The following PHLDB2 variants were observed in gnomAD, a reference collection of about 807,000 sequenced individuals.
PHLDB2 encodes the protein pleckstrin homology like domain family B member 2.
PHLDB2 carries 71 observed loss-of-function variants against 123.6 expected under a neutral mutation model. The observed-to-expected ratio is 0.57, with a 90% CI of 0.47 to 0.70. The LOEUF (loss-of-function observed/expected upper bound fraction) is 0.70, where lower values mean the gene tolerates loss of function less well. Among genes scored for constraint, PHLDB2 ranks in the 30% least tolerant of loss-of-function variants. The pLI is 0.00. For missense variants in PHLDB2, 1,446 were observed against 1,519.5 expected, an observed-to-expected ratio of 0.95 and a Z score of 0.80; for synonymous variants, 547 against 541.6, an observed-to-expected ratio of 1.01 and a Z score of -0.14.
intron 2 of PHLDB2, chr3:111,911,533 C>G (rs985573670): frequency 5.1e-5 from 62 of 1,225,112 alleles, no homozygotes; most frequent in Non-Finnish European, 6.8e-5. Context: ...TGCTTCCTCC[C>G]TATAAAGCTG....
At chr3:111,939,426 G>C in intron 6 of PHLDB2, 49 bp from the exon 7 acceptor site, 1 of 1,549,298 alleles carries the variant, frequency 6.5e-7, no homozygotes, top group South Asian at 1.2e-5. Context: ...ACATTAAGAA[G>C]GTGGTAGTTA....
intron 1 of PHLDB2, among the ~76,000 whole-genome samples, chr3:111,864,551 T>G (rs2064978075): frequency 6.6e-6 from 1 of 152,228 alleles, no homozygotes; most frequent in South Asian, 2.1e-4. Flanking sequence ...GTATCTGCTT[T>G]AAAGGCAAGA....
intron 1 of PHLDB2, among the ~76,000 whole-genome samples, chr3:111,759,292 C>T (rs1240741364): frequency 2.6e-5 from 4 of 152,060 alleles, no homozygotes; most frequent in African/African-American, 4.8e-5. Flanking sequence ...CTTTCTGGTT[C>T]GTAGATGGTG....
rs1368049282 is a variant in PHLDB2, at chr3:111,885,418, C to A, written c.1335+6C>A. ...AGCAGGAAATGGAGCGATTGGTAATCTTCATCTCAACAGTGATTGACCTCA... is the reference window on the plus strand; with the variant it reads ...AGCAGGAAATGGAGCGATTGGTAATATTCATCTCAACAGTGATTGACCTCA... On this transcript the variant is annotated splice_donor_region_variant and intron_variant, in intron 2 of 17. Transcript: ENST00000431670. 15 of 1,614,040 alleles carry A rather than the reference C, an allele frequency of 9.3e-6. No homozygotes were observed. Among genetic ancestry groups the A allele is most frequent in the Non-Finnish European group, 1.3e-5 (15 of 1,180,038 alleles).
intron 1 of PHLDB2, among the ~76,000 whole-genome samples, chr3:111,868,330 T>TA (rs1044513536): frequency 1.3e-5 from 2 of 152,146 alleles, no homozygotes; most frequent in African/African-American, 4.8e-5. Flanking sequence ...TCATACATTG[T>TA]AAAAAATAGA....
intron 12 of PHLDB2, among the ~76,000 whole-genome samples, chr3:111,959,975 T>G (rs1234744534): frequency 6.6e-6 from 1 of 152,262 alleles, no homozygotes; most frequent in Non-Finnish European, 1.5e-5. Flanking sequence ...GGGATTTGTT[T>G]TTCATACTAC....
At chr3:111,744,074 C>G (rs1224320842) in intron 1 of PHLDB2, among the ~76,000 whole-genome samples, 1 of 152,086 alleles carries the variant, frequency 6.6e-6, no homozygotes, top group Non-Finnish European at 1.5e-5. Context: ...GTTACTGTTC[C>G]TAAAGAGTAC....
intron 2 of PHLDB2, among the ~76,000 whole-genome samples, chr3:111,910,238 G>C (rs768490700): frequency 6.6e-6 from 1 of 151,972 alleles, no homozygotes; most frequent in Non-Finnish European, 1.5e-5. Flanking sequence ...TGATATATGT[G>C]GGAGATCAAG....
At chr3:111,940,197 A>G (rs188485112) in intron 7 of PHLDB2, among the ~76,000 whole-genome samples, 104 of 151,468 alleles carry the variant, frequency 6.9e-4, no homozygotes, top group African/African-American at 2.4e-3. Flanking sequence ...TCTCAGTTTA[A>G]ATAAGAAATT....
intron 1 of PHLDB2, among the ~76,000 whole-genome samples, chr3:111,838,282 C>G (rs1204023427): frequency 6.6e-6 from 1 of 152,110 alleles, no homozygotes; most frequent in South Asian, 2.1e-4. Context: ...ACTATAGGCA[C>G]CTGCCACCAC....
chr3:111,844,410 G>A (rs79017293), intron 1 of PHLDB2, among the ~76,000 whole-genome samples: 5 of 152,012 alleles, frequency 3.3e-5, no homozygotes, highest in South Asian at 4.1e-4. Flanking sequence ...ATTTCTGTTC[G>A]TAGATAATGG....
intron 10 of PHLDB2, chr3:111,950,013 A>AT (rs905234647): frequency 6.4e-3 from 3,644 of 572,244 alleles, no homozygotes; most frequent in Non-Finnish European, 7.3e-3. Context: ...TACTTCTCTG[A>AT]TTTTTTTTTT....
At chr3:111,973,504 C>T (rs1281873136) in intron 16 of PHLDB2, among the ~76,000 whole-genome samples, 1 of 152,134 alleles carries the variant, frequency 6.6e-6, no homozygotes, top group Non-Finnish European at 1.5e-5. Flanking sequence ...GAGCCTTAGG[C>T]AAAGTCATCT....
At chr3:111,839,520 T>C (rs770337828) in intron 1 of PHLDB2, among the ~76,000 whole-genome samples, 4 of 152,246 alleles carry the variant, frequency 2.6e-5, no homozygotes, top group Non-Finnish European at 5.9e-5. Flanking sequence ...ATTAACATTA[T>C]CTTTAGCATT....
intron 1 of PHLDB2, among the ~76,000 whole-genome samples, chr3:111,765,026 C>T (rs1171982225): frequency 6.6e-6 from 1 of 152,170 alleles, no homozygotes; most frequent in African/African-American, 2.4e-5. Flanking sequence ...TCTCCAGTGC[C>T]CTAGGGGAAC....
At chr3:111,739,598 A>AAAAC (rs1273979026) in intron 1 of PHLDB2, among the ~76,000 whole-genome samples, 168 of 73,156 alleles carry the variant, frequency 2.3e-3, no homozygotes, top group African/African-American at 5.3e-3. Flanking sequence ...CAAAACAAAC[A>AAAAC]AAAAAAAAAA....
At chr3:111,807,105 A>T (rs1358383224) in intron 1 of PHLDB2, among the ~76,000 whole-genome samples, 2 of 151,626 alleles carry the variant, frequency 1.3e-5, no homozygotes, top group Admixed American at 1.3e-4. Flanking sequence ...TAGGAAAAAA[A>T]TAAACCTGGT....
At position 111,780,330 on chromosome 3, in the gene PHLDB2, A is replaced by C; in HGVS notation, c.-49+47627A>C. 2.8e-4 allele frequency among the ~76,000 whole-genome samples: 3 copies of C among 10,618 alleles called. 1 individual carries two copies. The highest frequency in any genetic ancestry group is 4.5e-4 in the African/African-American group (3 of 6,600). 7.0% of individuals were successfully genotyped at this position (10,618 alleles called of 152,430 possible). On this transcript the variant is annotated intron_variant, in intron 1 of 17. Transcript: ENST00000393923. The stretch of plus-strand genomic sequence containing the variant: ...AAGAGGAAGAGGAAGAGGAAGAAGA[A>C]GAAGAAGAAGAAGAAGAAGAAGAAG...
intron 12 of PHLDB2, among the ~76,000 whole-genome samples, chr3:111,956,632 A>G (rs1047429425): frequency 3.3e-5 from 5 of 152,324 alleles, no homozygotes; most frequent in Admixed American, 2.6e-4. Context: ...ATAAAGAACC[A>G]TTATATGCGT....
Sources: gnomAD v4.1 joint callset for allele counts (sites outside exome capture counted in the v4.1 genomes callset) on GRCh38, gnomAD v4.1.1 for gene constraint, MANE v1.5 for transcripts, NCBI Gene and HGNC (gene_info 2026-07-23, HGNC 2026-07-21) for gene names.